Variants in MATN2 observed in about 807,000 individuals in gnomAD.
The protein encoded by MATN2 is matrilin-2.
Under a neutral mutation model 103.2 loss-of-function variants are expected in MATN2, and 69 were observed. That is an observed-to-expected ratio of 0.67 (90% CI 0.55 to 0.82). The LOEUF is 0.82. Among genes scored for constraint, MATN2 ranks in the 40% least tolerant of loss-of-function variants. The pLI is 0.00. For synonymous variants in MATN2, 429 were observed against 450.2 expected (o/e 0.95, Z 0.60); for missense variants, 1,023 against 1,211.5 (o/e 0.84, Z 2.31).
rs1206686353 is a variant in MATN2, at chr8:98,029,781, T to G, written c.2357-681T>G. On this transcript the variant is annotated intron_variant, in intron 14 of 18. Coordinates refer to ENST00000254898, the MANE Select transcript of MATN2 (RefSeq NM_002380.5). ...AAAATGTTTGGACTCCAGCAGAACA[T>G]ATTCTTATTGTGTTTTACTTTCAAA... Among the ~76,000 whole-genome samples the G allele has an allele frequency of 2.6e-5, 4 of 152,338 alleles. No individual in the cohort carries two copies. In the East Asian group the frequency reaches 7.7e-4, roughly 29 times the overall value.
chr8:97,949,225 A>T (rs1401172108), intron 4 of MATN2, among the ~76,000 whole-genome samples: 1 of 146,016 alleles, frequency 6.8e-6, no homozygotes, highest in Non-Finnish European at 1.5e-5. Flanking sequence ...GCTGGAGTGC[A>T]GTGGCGTGAT....
chr8:98,032,153 T>C, intron 15 of MATN2, 93 bp from the exon 16 acceptor site: 1 of 918,520 alleles, frequency 1.1e-6, no homozygotes, highest in Non-Finnish European at 1.7e-6. Context: ...TTATGGCAGG[T>C]AGGTAAGGAG....
At chr8:97,998,246 C>T (rs865851095) in intron 7 of MATN2, among the ~76,000 whole-genome samples, 7 of 151,196 alleles carry the variant, frequency 4.6e-5, no homozygotes, top group African/African-American at 1.2e-4. Flanking sequence ...TCTTGCTGGG[C>T]GCGGTGGCTC....
intron 2 of MATN2, among the ~76,000 whole-genome samples, chr8:97,909,869 C>T (rs1162136442): frequency 9.2e-5 from 14 of 152,090 alleles, no homozygotes; most frequent in South Asian, 2.1e-4. Flanking sequence ...CTGCAAGCTC[C>T]GCCTCCCGGG....
chr8:98,021,296 T>C lies in MATN2; in HGVS notation c.1911T>C (p.Phe637=). The change falls in exon 13 of 19, where the codon TTT becomes TTC. Residue 637 remains phenylalanine (F), a synonymous_variant. Transcript: ENST00000254898. ...NSYICKCSEG[F]VLAEDGRRCK... ...ACATCTGCAAATGCTCAGAGGGATT[T>C]GTTCTAGCTGAGGACGGAAGACGGT... The C allele has an allele frequency of 6.2e-7, 1 of 1,613,640 alleles. No individual in the cohort carries two copies. Among genetic ancestry groups the C allele is most frequent in the Non-Finnish European group, 8.5e-7 (1 of 1,179,582 alleles).
In MATN2 at chr8:97,979,000, C is replaced by G; in HGVS notation, c.1073C>G (p.Thr358Arg). Residue 358 changes from threonine to arginine, a missense_variant, in exon 6 of 19, where the codon ACG (threonine) becomes AGG (arginine). Coordinates refer to ENST00000254898, the MANE Select transcript of MATN2 (RefSeq NM_002380.5). ...EGFALNPDKKTCTKIDYCASS... is the reference protein window; with the variant it reads ...EGFALNPDKKRCTKIDYCASS... ...TTTGCTCTTAACCCAGATAAAAAAA[C>G]GTGCACAAGTAAGTTACACACACAT... The G allele has an allele frequency of 6.2e-7, 1 of 1,610,612 alleles. No homozygotes were observed. The highest frequency in any genetic ancestry group is 8.5e-7 in the Non-Finnish European group (1 of 1,178,502).
intron 10 of MATN2, among the ~76,000 whole-genome samples, chr8:98,012,768 C>T (rs755680237): frequency 3.3e-5 from 5 of 152,162 alleles, no homozygotes; most frequent in Admixed American, 6.5e-5. Flanking sequence ...ACCAGGGACA[C>T]GGAGGTCTAT....
At chr8:97,933,824 C>A (rs558274187) in intron 3 of MATN2, among the ~76,000 whole-genome samples, 2 of 152,122 alleles carry the variant, frequency 1.3e-5, no homozygotes, top group Non-Finnish European at 2.9e-5. Context: ...ACTCAGCAGC[C>A]GTCTTGAAAG....
At chr8:97,965,644 G>A in intron 5 of MATN2, among the ~76,000 whole-genome samples, 1 of 151,378 alleles carries the variant, frequency 6.6e-6, no homozygotes, top group Non-Finnish European at 1.5e-5. Flanking sequence ...GACTAACCTG[G>A]GCAACATAGT....
chr8:97,875,639 T>C (rs1196706681), intron 1 of MATN2, among the ~76,000 whole-genome samples: 1 of 151,962 alleles, frequency 6.6e-6, no homozygotes, highest in Non-Finnish European at 1.5e-5. Flanking sequence ...TTTATCTTAC[T>C]TTATTTTTTA....
intron 2 of MATN2, among the ~76,000 whole-genome samples, chr8:97,925,815 A>G (rs1033873421): frequency 4.6e-5 from 7 of 152,156 alleles, no homozygotes; most frequent in African/African-American, 1.4e-4. Flanking sequence ...TGGTCTCCAG[A>G]TGAAATGATT....
chr8:97,937,638 G>A (rs1343967193), intron 3 of MATN2, among the ~76,000 whole-genome samples: 1 of 136,476 alleles, frequency 7.3e-6, no homozygotes, highest in African/African-American at 2.9e-5. Flanking sequence ...ACCCAGGCTG[G>A]AGTGCAGTGG....
At chr8:98,019,199 C>G (rs982163298) in intron 12 of MATN2, among the ~76,000 whole-genome samples, 4 of 151,380 alleles carry the variant, frequency 2.6e-5, no homozygotes, top group African/African-American at 9.7e-5. Flanking sequence ...ATCATCTCCA[C>G]AGGAAAAATG....
intron 3 of MATN2, among the ~76,000 whole-genome samples, chr8:97,939,319 A>G (rs941126359): frequency 1.3e-5 from 2 of 152,134 alleles, no homozygotes; most frequent in Admixed American, 1.3e-4. Context: ...GGAACACTAG[A>G]CGGCGCATCA....
At chr8:97,869,366 T>C (rs1180039197) in intron 1 of MATN2, 79 bp downstream of exon 1, 1 of 151,832 alleles carries the variant, frequency 6.6e-6, no homozygotes, top group Non-Finnish European at 1.5e-5. Context: ...ACCGACAGAA[T>C]ACCGAGCCTG....
chr8:97,989,286 G>A (rs1451069361), intron 6 of MATN2, among the ~76,000 whole-genome samples: 6 of 152,150 alleles, frequency 3.9e-5, no homozygotes, highest in East Asian at 1.9e-4. Context: ...TGGCTAACAC[G>A]GTGAAACCCC....
chr8:97,916,665 A>G (rs562987381), intron 2 of MATN2, among the ~76,000 whole-genome samples: 2 of 152,350 alleles, frequency 1.3e-5, no homozygotes, highest in South Asian at 4.1e-4. Flanking sequence ...CAATTAAGAA[A>G]AAGACTGTTT....
At chr8:98,012,361 C>T (rs990578147) in intron 10 of MATN2, among the ~76,000 whole-genome samples, 1 of 152,074 alleles carries the variant, frequency 6.6e-6, no homozygotes, top group African/African-American at 2.4e-5. Context: ...CGTGGGAGCA[C>T]CCCCTAGTCT....
chr8:97,985,519 C>T (rs1328171431), intron 6 of MATN2, among the ~76,000 whole-genome samples: 1 of 152,178 alleles, frequency 6.6e-6, no homozygotes, highest in African/African-American at 2.4e-5. Flanking sequence ...CAGGACACTT[C>T]CCACATTGTT....
Sources: allele counts gnomAD v4.1 joint callset (sites outside exome capture counted in the v4.1 genomes callset), GRCh38; gene constraint gnomAD v4.1.1; transcripts MANE v1.5; gene names NCBI Gene and HGNC (gene_info 2026-07-23, HGNC 2026-07-21).